TBC1D5: variants seen among roughly 807,000 people sequenced by gnomAD.
The protein encoded by TBC1D5 is TBC1 domain family member 5.
A neutral mutation model predicts 100.3 loss-of-function variants in TBC1D5; 75 were observed. The ratio of observed to expected loss-of-function variants is 0.75; its 90% CI spans 0.62 to 0.91. The LOEUF (loss-of-function observed/expected upper bound fraction) is 0.91. TBC1D5 is among the 40% of genes least tolerant of loss of function. The pLI, the probability that TBC1D5 is intolerant of heterozygous loss-of-function variation, is 0.00. For synonymous variants in TBC1D5, 323 were observed against 325.6 expected (o/e 0.99, Z 0.09); for missense variants, 910 against 942.4 (o/e 0.97, Z 0.45).
intron 13 of TBC1D5, among the ~76,000 whole-genome samples, chr3:17,338,921 C>A (rs113044840): frequency 6.6e-6 from 1 of 152,274 alleles, no homozygotes; most frequent in Non-Finnish European, 1.5e-5. Context: ...AGATTTCTAT[C>A]CCTGCCTTAA....
chr3:17,390,333 C>T (rs936033288), intron 8 of TBC1D5, among the ~76,000 whole-genome samples: 2 of 152,010 alleles, frequency 1.3e-5, no homozygotes, highest in African/African-American at 2.4e-5. Flanking sequence ...AGACAAATAT[C>T]GGGGCTATCT....
chr3:17,399,632 T>G (rs1005971663), intron 8 of TBC1D5, among the ~76,000 whole-genome samples: 2 of 152,108 alleles, frequency 1.3e-5, no homozygotes, highest in African/African-American at 2.4e-5. Flanking sequence ...CATAATTATC[T>G]TTGTAGGTAT....
chr3:17,673,227 A>C (rs2068163442), intron 1 of TBC1D5, among the ~76,000 whole-genome samples: 1 of 152,134 alleles, frequency 6.6e-6, no homozygotes, highest in African/African-American at 2.4e-5. Context: ...AAAGACTTTA[A>C]AAATACATGT....
intron 2 of TBC1D5, among the ~76,000 whole-genome samples, chr3:17,563,060 T>G (rs1387284257): frequency 6.6e-6 from 1 of 152,234 alleles, no homozygotes; most frequent in Non-Finnish European, 1.5e-5. Context: ...ATCACAGTTA[T>G]GTAAATGATG....
intron 15 of TBC1D5, among the ~76,000 whole-genome samples, chr3:17,263,035 T>A (rs978428639): frequency 6.6e-6 from 1 of 151,734 alleles, no homozygotes; most frequent in African/African-American, 2.4e-5. Flanking sequence ...GAGACCAGAC[T>A]GGGCAAAATA....
At chr3:17,500,671 T>C (rs1268590085) in intron 3 of TBC1D5, among the ~76,000 whole-genome samples, 1 of 149,726 alleles carries the variant, frequency 6.7e-6, no homozygotes, top group Non-Finnish European at 1.5e-5. Context: ...CTCATATCTG[T>C]GGCTTCTATA....
chr3:17,717,944 C>T (rs2075370523), intron 1 of TBC1D5, among the ~76,000 whole-genome samples: 1 of 152,136 alleles, frequency 6.6e-6, no homozygotes, highest in African/African-American at 2.4e-5. Context: ...CTAACCTACA[C>T]TAGAATACTG....
At chr3:17,565,447 T>C (rs2096587492) in intron 2 of TBC1D5, among the ~76,000 whole-genome samples, 1 of 152,134 alleles carries the variant, frequency 6.6e-6, no homozygotes, top group African/African-American at 2.4e-5. Flanking sequence ...TACAATTTTC[T>C]TTGGAAAAGG....
chr3:17,166,023 G>A (rs1302196673), intron 21 of TBC1D5, among the ~76,000 whole-genome samples: 8 of 152,156 alleles, frequency 5.3e-5, no homozygotes, highest in Admixed American at 3.3e-4. Flanking sequence ...TTCTAGCTAG[G>A]AAATTCTGTG....
At chr3:17,515,239 A>G (rs1161396101) in intron 2 of TBC1D5, among the ~76,000 whole-genome samples, 2 of 152,156 alleles carry the variant, frequency 1.3e-5, no homozygotes. Context: ...TGGGGAGGCC[A>G]GGGGTATGTT....
chr3:17,568,727 TATATA>T, intron 2 of TBC1D5, among the ~76,000 whole-genome samples: 1 of 151,796 alleles, frequency 6.6e-6, no homozygotes, highest in Admixed American at 6.6e-5. Context: ...AAGGATAACA[TATATA>T]ATATTAACAT....
chr3:17,657,994 C>T (rs2066254636), intron 1 of TBC1D5, among the ~76,000 whole-genome samples: 1 of 152,080 alleles, frequency 6.6e-6, no homozygotes, highest in African/African-American at 2.4e-5. Context: ...TTTACTGTTC[C>T]TTTTCTATGT....
chr3:17,366,875 T>C (rs1380025753), intron 13 of TBC1D5, among the ~76,000 whole-genome samples: 5 of 152,030 alleles, frequency 3.3e-5, no homozygotes, highest in Admixed American at 3.3e-4. Context: ...ACCAAGAATC[T>C]CCCCAATTAA....
intron 8 of TBC1D5, among the ~76,000 whole-genome samples, chr3:17,384,609 G>A (rs987988606): frequency 2.6e-5 from 4 of 151,996 alleles, no homozygotes; most frequent in African/African-American, 7.2e-5. Flanking sequence ...TCTAGTAGTA[G>A]TAGTCAACTG....
intron 4 of TBC1D5, among the ~76,000 whole-genome samples, chr3:17,407,262 A>C (rs1259339466): frequency 6.6e-6 from 1 of 152,100 alleles, no homozygotes; most frequent in African/African-American, 2.4e-5. Context: ...CTCTACTGGG[A>C]AACAATTGGA....
At chr3:17,406,358 C>T (rs2093769835) in intron 5 of TBC1D5, 60 bp downstream of exon 5, 1 of 1,428,296 alleles carries the variant, frequency 7.0e-7, no homozygotes, top group Non-Finnish European at 9.6e-7. Flanking sequence ...TCTTCCAGGG[C>T]ATCAGGTAAT....
chr3:17,479,366 G>A (rs932701670), intron 3 of TBC1D5, among the ~76,000 whole-genome samples: 1 of 152,156 alleles, frequency 6.6e-6, no homozygotes, highest in Non-Finnish European at 1.5e-5. Context: ...TCGCACCACT[G>A]TGCACAAGCC....
In TBC1D5 at chr3:17,163,302, G is replaced by A. The variant is rs2066271958; in HGVS notation, c.2095-2046C>T. On this transcript the variant is annotated intron_variant, in intron 21 of 21. Transcript: ENST00000253692. ...TTTGCATTACAGATCAAGAAAACGA[G>A]CCCAAATAGGAGACCTGGTAGCTTG... Among the ~76,000 whole-genome samples the A allele has an allele frequency of 2.1e-5, 3 of 145,642 alleles. No individual in the cohort carries two copies. In the South Asian group the frequency reaches 6.7e-4, roughly 32 times the overall value.
intron 18 of TBC1D5, among the ~76,000 whole-genome samples, chr3:17,193,847 C>T (rs2070295249): frequency 6.6e-6 from 1 of 152,186 alleles, no homozygotes; most frequent in Admixed American, 6.5e-5. Context: ...AGAGGACACA[C>T]TTACAGAAGG....
Sources: gnomAD v4.1 joint callset for allele counts (sites outside exome capture counted in the v4.1 genomes callset) on GRCh38, gnomAD v4.1.1 for gene constraint, MANE v1.5 for transcripts, NCBI Gene and HGNC (gene_info 2026-07-23, HGNC 2026-07-21) for gene names.